RBFOX1: variants seen among roughly 807,000 people sequenced by gnomAD.
The protein encoded by RBFOX1 is RNA binding fox-1 homolog 1.
A neutral mutation model predicts 57.7 loss-of-function variants in RBFOX1; 8 were observed. The ratio of observed to expected loss-of-function variants is 0.14; its 90% CI spans 0.08 to 0.25. The LOEUF is 0.25. RBFOX1 is among the 10% of genes least tolerant of loss of function. The pLI is 1.00. For missense variants in RBFOX1, 611 were observed against 548.5 expected (o/e 1.11, Z -1.14); for synonymous variants, 326 against 222.4 (o/e 1.47, Z -4.15).
At chr16:6,992,574 CGTG>C (rs1284159850) in intron 3 of RBFOX1, among the ~76,000 whole-genome samples, 1 of 151,952 alleles carries the variant, frequency 6.6e-6, no homozygotes, top group Non-Finnish European at 1.5e-5. Context: ...CCTCAGTAGT[CGTG>C]GTATTTCTCT....
intron 2 of RBFOX1, among the ~76,000 whole-genome samples, chr16:5,543,211 G>C (rs769237184): frequency 2.6e-5 from 4 of 152,156 alleles, no homozygotes; most frequent in African/African-American, 4.8e-5. Flanking sequence ...TTGCAAAGAA[G>C]CATGAAAATA....
chr16:6,872,398 C>T (rs889369149), intron 3 of RBFOX1, among the ~76,000 whole-genome samples: 1 of 152,030 alleles, frequency 6.6e-6, no homozygotes, highest in Non-Finnish European at 1.5e-5. Context: ...GACCATAGCT[C>T]TTTTTTTAAT....
intron 1 of RBFOX1, among the ~76,000 whole-genome samples, chr16:5,460,930 G>T (rs539718700): frequency 4.1e-4 from 62 of 152,338 alleles, no homozygotes; most frequent in African/African-American, 1.2e-3. Flanking sequence ...CATCAGGAAG[G>T]GGGGTGGGTG....
intron 4 of RBFOX1, among the ~76,000 whole-genome samples, chr16:7,435,358 A>G (rs1417911588): frequency 1.3e-5 from 2 of 152,066 alleles, no homozygotes; most frequent in Admixed American, 6.6e-5. Flanking sequence ...ACAGCGTGCC[A>G]TTTGTATCAC....
At chr16:6,083,567 C>G (rs1316680635) in intron 1 of RBFOX1, among the ~76,000 whole-genome samples, 1 of 152,142 alleles carries the variant, frequency 6.6e-6, no homozygotes, top group African/African-American at 2.4e-5. Context: ...GCCTCAACCT[C>G]TTGGGCTCAG....
At chr16:6,532,083 G>T (rs1336094064) in intron 2 of RBFOX1, among the ~76,000 whole-genome samples, 1 of 152,122 alleles carries the variant, frequency 6.6e-6, no homozygotes, top group Non-Finnish European at 1.5e-5. Flanking sequence ...TCCAGTTCTG[G>T]ATCCCAGAAG....
intron 2 of RBFOX1, among the ~76,000 whole-genome samples, chr16:6,458,410 C>A (rs1033727936): frequency 2.6e-5 from 4 of 152,176 alleles, no homozygotes; most frequent in East Asian, 1.9e-4. Flanking sequence ...GCCGTAGAAC[C>A]AGACTCATTG....
At chr16:5,983,124 C>G (rs2060207045) in intron 4 of RBFOX1, among the ~76,000 whole-genome samples, 1 of 152,196 alleles carries the variant, frequency 6.6e-6, no homozygotes, top group African/African-American at 2.4e-5. Flanking sequence ...CTCCAATTAA[C>G]TCCCTGCATT....
In RBFOX1 at chr16:7,593,552, G is replaced by C. The variant is rs190263834; in HGVS notation, c.469-1997G>C. Among the ~76,000 whole-genome samples, 20 of 152,298 alleles carry C rather than the reference G, an allele frequency of 1.3e-4. No homozygotes were observed. The East Asian group carries it at 3.9e-3, about 29-fold the overall frequency. On this transcript the variant is annotated intron_variant, in intron 7 of 15. Transcript: ENST00000550418. Reference sequence around the variant, plus strand: ...AATCACAGAGCCTCACTATGGGAAAGATTATGGAAGGTAATTTGGTTCAAT... The same window carrying C: ...AATCACAGAGCCTCACTATGGGAAACATTATGGAAGGTAATTTGGTTCAAT...
chr16:5,859,938 G>A (rs1186522686), intron 3 of RBFOX1, among the ~76,000 whole-genome samples: 1 of 152,210 alleles, frequency 6.6e-6, no homozygotes, highest in Non-Finnish European at 1.5e-5. Context: ...TGGTCAGGAA[G>A]ACTGGAAGCC....
intron 2 of RBFOX1, among the ~76,000 whole-genome samples, chr16:6,621,170 A>G (rs1005494264): frequency 6.6e-6 from 1 of 152,158 alleles, no homozygotes; most frequent in Admixed American, 6.5e-5. Context: ...TCTTATAAAA[A>G]CACTAGTCAG....
At chr16:5,467,373 C>T (rs2068986599) in intron 2 of RBFOX1, 1 of 961,718 alleles carries the variant, frequency 1.0e-6, no homozygotes, top group Middle Eastern at 2.1e-4. Context: ...CATCTGTAAT[C>T]AACCACAGCA....
intron 4 of RBFOX1, among the ~76,000 whole-genome samples, chr16:7,336,345 A>G (rs143138132): frequency 3.9e-5 from 6 of 152,332 alleles, no homozygotes; most frequent in Non-Finnish European, 8.8e-5. Flanking sequence ...TCTACCTCAT[A>G]GATATGCCCT....
At chr16:6,550,937 G>C (rs79759050) in intron 2 of RBFOX1, among the ~76,000 whole-genome samples, 4,151 of 152,202 alleles carry the variant, frequency 0.027, 168 homozygotes, top group South Asian at 0.072. Flanking sequence ...ATCATCATTT[G>C]GGTCTGGCTG....
chr16:7,525,953 C>G (rs2078606966), intron 5 of RBFOX1, among the ~76,000 whole-genome samples: 2 of 152,080 alleles, frequency 1.3e-5, no homozygotes, highest in Non-Finnish European at 2.9e-5. Context: ...TAGGGGTACC[C>G]AACTCCCAGG....
In RBFOX1 at chr16:7,381,506, C is replaced by CTT. The variant is rs1194917348; in HGVS notation, c.28-136632_28-136631dup. 1.9e-3 allele frequency among the ~76,000 whole-genome samples: 286 copies of CTT among 148,166 alleles called. 1 individual carries two copies. Among genetic ancestry groups the CTT allele is most frequent in the African/African-American group, 6.5e-3 (263 of 40,354 alleles). ...GGGTTCATACATCGTTCCCCCCCGCCTTTTTTTTTTATTTTATTAACAGCT... is the reference window on the plus strand; with the variant it reads ...GGGTTCATACATCGTTCCCCCCCGCCTTTTTTTTTTTTATTTTATTAACAGCT... On this transcript the variant is annotated intron_variant, in intron 4 of 15. Transcript: ENST00000550418.
Position 6,463,382 on chromosome 16 carries a change from GC to G in RBFOX1, c.-64+146327del, listed in dbSNP as rs1345767504. Among the ~76,000 whole-genome samples, 3 of 152,110 alleles carry G rather than the reference GC, an allele frequency of 2.0e-5. No homozygotes were observed. The South Asian group carries it at 6.2e-4, about 32-fold the overall frequency. Reference sequence around the variant, plus strand: ...TTGCTGTTGTGTATTAAAGAGTTTTGCCTACTAATATATTTTAGCCTTGGCA... The same window carrying G: ...TTGCTGTTGTGTATTAAAGAGTTTTGCTACTAATATATTTTAGCCTTGGCA... On this transcript the variant is annotated intron_variant, in intron 2 of 15. Coordinates refer to ENST00000550418, the MANE Select transcript of RBFOX1 (RefSeq NM_018723.4).
At chr16:7,688,040 T>C (rs181938539) in intron 14 of RBFOX1, among the ~76,000 whole-genome samples, 180 of 152,156 alleles carry the variant, frequency 1.2e-3, no homozygotes, top group Middle Eastern at 0.01. Flanking sequence ...AAACAAAGTA[T>C]TGGCTGGGCA....
At chr16:6,193,425 T>TATATATATATATATATATATATATATAA (rs1243693521) in intron 1 of RBFOX1, among the ~76,000 whole-genome samples, 1 of 106,504 alleles carries the variant, frequency 9.4e-6, no homozygotes, top group African/African-American at 3.2e-5. Flanking sequence ...TATATATATA[T>TATATATATATATATATATATATATATAA]AAAATTCAGT....
Sources: allele counts gnomAD v4.1 joint callset (sites outside exome capture counted in the v4.1 genomes callset), GRCh38; gene constraint gnomAD v4.1.1; transcripts MANE v1.5; gene names NCBI Gene and HGNC (gene_info 2026-07-23, HGNC 2026-07-21).